Variants in RGS7 observed in about 807,000 individuals in gnomAD.
The protein encoded by RGS7 is regulator of G protein signaling 7.
Under a neutral mutation model 81.1 loss-of-function variants are expected in RGS7, and 27 were observed. The observed-to-expected ratio is 0.33, with a 90% CI of 0.25 to 0.46. The LOEUF is 0.46. Ranked by LOEUF, RGS7 falls within the 20% of genes least tolerant of loss-of-function variation. RGS7 has a pLI of 1.00. For missense variants in RGS7, 396 were observed against 607.4 expected (o/e 0.65, Z 3.66); for synonymous variants, 208 against 207.7 (o/e 1.00, Z -0.01).
rs929074808 is a variant in RGS7 at position 240,800,597 on chromosome 1, C to G, written c.*6+44G>C. 5 of 1,239,932 alleles carry G rather than the reference C, an allele frequency of 4.0e-6. No individual in the cohort carries two copies. In the East Asian group the frequency reaches 1.3e-4, roughly 32 times the overall value. The allele number at this position is 1,239,932 out of a possible 1,614,324, so 76.8% of individuals were successfully genotyped here. A position where few individuals can be genotyped will look rare whatever the true frequency, so the allele number is the denominator to read the frequency against. Reference sequence around the variant, plus strand: ...CATGGAGCTAAACCACACAACTCAACAGACAATGCAGACAAACTTGAGTAT... The same window carrying G: ...CATGGAGCTAAACCACACAACTCAAGAGACAATGCAGACAAACTTGAGTAT... On this transcript the variant is annotated intron_variant, in intron 18 of 18. Coordinates refer to ENST00000440928, the MANE Select transcript of RGS7 (RefSeq NM_001364886.1).
intron 2 of RGS7, among the ~76,000 whole-genome samples, chr1:241,135,692 G>C (rs997274278): frequency 1.3e-5 from 2 of 152,080 alleles, no homozygotes; most frequent in Admixed American, 6.5e-5. Context: ...AAAGAGCTTT[G>C]AACAAGATGA....
chr1:241,006,123 TA>T (rs35721095), intron 3 of RGS7, among the ~76,000 whole-genome samples: 2 of 151,422 alleles, frequency 1.3e-5, no homozygotes, highest in Non-Finnish European at 2.9e-5. Flanking sequence ...AAGGTTAGGA[TA>T]AAAAAAAACC....
chr1:240,850,011 A>T (rs537824524), intron 9 of RGS7, among the ~76,000 whole-genome samples: 1 of 152,316 alleles, frequency 6.6e-6, no homozygotes, highest in South Asian at 2.1e-4. Context: ...GGGTCCTGGG[A>T]CCAGAACACC....
chr1:241,244,537 A>T (rs1401952596), intron 2 of RGS7, among the ~76,000 whole-genome samples: 1 of 152,200 alleles, frequency 6.6e-6, no homozygotes, highest in Non-Finnish European at 1.5e-5. Context: ...CCATTGTGGA[A>T]GTCAGTGTGG....
At chr1:240,850,559 TA>T (rs1414525571) in intron 9 of RGS7, among the ~76,000 whole-genome samples, 38 of 152,166 alleles carry the variant, frequency 2.5e-4, no homozygotes, top group African/African-American at 8.4e-4. Context: ...CAATGACTTC[TA>T]AGTGTTCAAG....
intron 9 of RGS7, among the ~76,000 whole-genome samples, chr1:240,845,500 A>AGC (rs1263562331): frequency 6.6e-6 from 1 of 152,204 alleles, no homozygotes; most frequent in South Asian, 2.1e-4. Flanking sequence ...TATGCAATAG[A>AGC]GATCACATGG....
chr1:241,261,524 G>C (rs1030593178), intron 2 of RGS7, among the ~76,000 whole-genome samples: 1 of 151,766 alleles, frequency 6.6e-6, no homozygotes, highest in Non-Finnish European at 1.5e-5. Context: ...AGCTACTCGG[G>C]AGGCTGAGGC....
chr1:241,169,952 AAG>A (rs2070603513), intron 2 of RGS7, among the ~76,000 whole-genome samples: 1 of 152,076 alleles, frequency 6.6e-6, no homozygotes, highest in Non-Finnish European at 1.5e-5. Flanking sequence ...GCAGCAATAA[AAG>A]AATATACTCA....
At chr1:241,123,541 G>A (rs976175442) in intron 2 of RGS7, among the ~76,000 whole-genome samples, 8 of 152,094 alleles carry the variant, frequency 5.3e-5, no homozygotes, top group Non-Finnish European at 1.2e-4. Context: ...ACCTGAGGTC[G>A]GGAGTTTGAG....
At chr1:240,943,006 A>T (rs72756862) in intron 4 of RGS7, among the ~76,000 whole-genome samples, 241 of 152,088 alleles carry the variant, frequency 1.6e-3, no homozygotes, top group Non-Finnish European at 2.5e-3. Flanking sequence ...TCATCTTTTT[A>T]AAAAAAACAT....
chr1:241,186,611 C>A lies in RGS7; in HGVS notation c.79-87849G>T, dbSNP rs987267263. Reference sequence around the variant, plus strand: ...TGATCTCGGCTCACCACAACCTCCGCCTCCCAGGTTCAAACAATTCTCCTG... The same window carrying A: ...TGATCTCGGCTCACCACAACCTCCGACTCCCAGGTTCAAACAATTCTCCTG... On this transcript the variant is annotated intron_variant, in intron 2 of 18. Transcript: ENST00000440928. 8.9e-5 allele frequency: 14 copies of A among 157,598 alleles called. No homozygotes were observed. In the South Asian group the frequency reaches 1.9e-3, roughly 21 times the overall value. The allele number at this position is 157,598 out of a possible 1,614,324, so 9.8% of individuals were successfully genotyped here.
At chr1:241,020,208 A>T (rs565474964) in intron 3 of RGS7, among the ~76,000 whole-genome samples, 9 of 152,354 alleles carry the variant, frequency 5.9e-5, no homozygotes, top group African/African-American at 2.2e-4. Context: ...GGGCTCAGTC[A>T]GTGCTATTTG....
intron 5 of RGS7, among the ~76,000 whole-genome samples, chr1:240,932,456 C>A (rs1448319487): frequency 6.6e-6 from 1 of 150,838 alleles, no homozygotes; most frequent in East Asian, 1.9e-4. Flanking sequence ...AATCAGGATT[C>A]TAGGATAGCC....
chr1:241,020,870 C>T (rs750840441), intron 3 of RGS7, among the ~76,000 whole-genome samples: 11 of 152,118 alleles, frequency 7.2e-5, no homozygotes, highest in Non-Finnish European at 1.5e-4. Flanking sequence ...ACTGTTTTTC[C>T]TTCAAGGGGA....
At chr1:241,237,779 G>T (rs2076059029) in intron 2 of RGS7, among the ~76,000 whole-genome samples, 1 of 152,118 alleles carries the variant, frequency 6.6e-6, no homozygotes, top group Non-Finnish European at 1.5e-5. Context: ...GTTAGGACAG[G>T]ATAAAGCCTC....
At position 240,868,430 on chromosome 1, in the gene RGS7, C is replaced by T. The variant is rs1224311812; in HGVS notation, c.609+157G>A. Among the ~76,000 whole-genome samples, 1 of 152,110 alleles carries T rather than the reference C, an allele frequency of 6.6e-6. No homozygotes were observed. The highest frequency in any genetic ancestry group is 1.5e-5 in the Non-Finnish European group (1 of 68,024). On this transcript the variant is annotated intron_variant, in intron 9 of 18. Transcript: ENST00000440928. This position sits in a 1 kb window ranked among gnomAD's most constrained non-coding sequence, Gnocchi z 5.1. ...TACGATGCTATTGAGGTCTAGTCAT[C>T]CTACACAAAAGTGGTGATCTTTTCT... is the stretch of plus-strand genomic sequence containing the variant.
At chr1:241,103,906 C>T (rs917705092) in intron 2 of RGS7, among the ~76,000 whole-genome samples, 1 of 152,090 alleles carries the variant, frequency 6.6e-6, no homozygotes, top group Non-Finnish European at 1.5e-5. Flanking sequence ...TCAAACAAGA[C>T]CTTATACAAA....
At chr1:241,019,652 C>T (rs563835008) in intron 3 of RGS7, among the ~76,000 whole-genome samples, 1 of 152,248 alleles carries the variant, frequency 6.6e-6, no homozygotes, top group Admixed American at 6.5e-5. Context: ...TGATGGTTTC[C>T]AGCTTCATCC....
At chr1:241,353,564 A>T (rs2083378275) in intron 2 of RGS7, among the ~76,000 whole-genome samples, 1 of 152,238 alleles carries the variant, frequency 6.6e-6, no homozygotes, top group Admixed American at 6.5e-5. Flanking sequence ...GTAAGCATTA[A>T]GAGTAAAATG....
Sources: allele counts gnomAD v4.1 joint callset (sites outside exome capture counted in the v4.1 genomes callset), GRCh38; gene constraint gnomAD v4.1.1; non-coding constraint Gnocchi (gnomAD v3.1); transcripts MANE v1.5; gene names NCBI Gene and HGNC (gene_info 2026-07-23, HGNC 2026-07-21).